HLCS: variants seen among roughly 807,000 people sequenced by gnomAD.
HLCS encodes holocarboxylase synthetase.
HLCS carries 53 observed loss-of-function variants against 75.0 expected under a neutral mutation model. That is an observed-to-expected ratio of 0.71 (90% confidence interval 0.57 to 0.89). HLCS has a LOEUF of 0.89. Ranked by LOEUF, HLCS falls within the 40% of genes least tolerant of loss-of-function variation. HLCS has a pLI of 0.00. For missense variants in HLCS, 966 were observed against 1,074.0 expected (o/e 0.90, Z 1.41); for synonymous variants, 431 against 428.6 (o/e 1.01, Z -0.07).
intron 1 of HLCS, among the ~76,000 whole-genome samples, chr21:36,972,940 A>C (rs953525556): frequency 1.3e-5 from 2 of 152,196 alleles, no homozygotes; most frequent in Non-Finnish European, 2.9e-5. Context: ...TTGGGGGCAG[A>C]CACAGTGGCT....
intron 6 of HLCS, among the ~76,000 whole-genome samples, chr21:36,832,931 A>G (rs2062263871): frequency 6.6e-6 from 1 of 152,166 alleles, no homozygotes; most frequent in Non-Finnish European, 1.5e-5. Flanking sequence ...CACTGCTTAG[A>G]CAACTAAGGA....
chr21:36,921,273 C>T (rs895300591), intron 5 of HLCS, among the ~76,000 whole-genome samples: 1 of 152,182 alleles, frequency 6.6e-6, no homozygotes, highest in Admixed American at 6.5e-5. Context: ...GGTGAAACCC[C>T]GTCTCTACTA....
chr21:36,817,270 T>TAA (rs1350320619), intron 6 of HLCS, among the ~76,000 whole-genome samples: 10 of 152,252 alleles, frequency 6.6e-5, no homozygotes, highest in African/African-American at 2.4e-4. Context: ...TGTAACCATT[T>TAA]ACGTCTTTGC....
In HLCS at chr21:36,905,720, A is replaced by C. The variant is rs1401401387; in HGVS notation, c.1621-8589T>G. On this transcript the variant is annotated intron_variant, in intron 5 of 10. Transcript: ENST00000674895. Reference sequence around the variant, plus strand: ...AATCTTAAAAAAAAAAATAGAACTAATAAGTGAGTTTAGCAAGGTTGTGGG... The same window carrying C: ...AATCTTAAAAAAAAAAATAGAACTACTAAGTGAGTTTAGCAAGGTTGTGGG... 1.1e-4 allele frequency among the ~76,000 whole-genome samples: 16 copies of C among 152,268 alleles called. No homozygotes were observed. The East Asian group carries it at 3.1e-3, about 29-fold the overall frequency.
chr21:36,862,628 T>A (rs954901424), intron 6 of HLCS, among the ~76,000 whole-genome samples: 1 of 152,242 alleles, frequency 6.6e-6, no homozygotes, highest in Non-Finnish European at 1.5e-5. Flanking sequence ...TTTCACATTT[T>A]GACCTACAAG....
intron 1 of HLCS, among the ~76,000 whole-genome samples, chr21:36,982,678 A>G (rs2069146240): frequency 6.6e-6 from 1 of 152,168 alleles, no homozygotes; most frequent in African/African-American, 2.4e-5. Context: ...AAATTTACGC[A>G]TTGTAGCTGG....
At chr21:36,888,440 AAAAAAATAT>A (rs1477091416) in intron 6 of HLCS, among the ~76,000 whole-genome samples, 11 of 30,534 alleles carry the variant, frequency 3.6e-4, no homozygotes, top group South Asian at 1.5e-3. Context: ...TTTAAAAAAA[AAAAAAATAT>A]ATATATATAT....
intron 6 of HLCS, among the ~76,000 whole-genome samples, chr21:36,770,808 T>G (rs559779471): frequency 1.3e-5 from 2 of 152,266 alleles, no homozygotes; most frequent in South Asian, 4.1e-4. Context: ...GATTTAAAAT[T>G]TATTTTGAAT....
chr21:36,811,070 T>C (rs1439851033), intron 6 of HLCS, among the ~76,000 whole-genome samples: 1 of 145,160 alleles, frequency 6.9e-6, no homozygotes, highest in African/African-American at 2.5e-5. Context: ...GTATTTGTCA[T>C]GTACAACACG....
intron 6 of HLCS, among the ~76,000 whole-genome samples, chr21:36,807,194 C>A (rs532700344): frequency 6.6e-6 from 1 of 152,202 alleles, no homozygotes; most frequent in South Asian, 2.1e-4. Flanking sequence ...GAGAGGCTTA[C>A]GCAAGAGCAT....
chr21:36,985,765 TG>T (rs143500777), intron 1 of HLCS, among the ~76,000 whole-genome samples: 23,804 of 149,548 alleles, frequency 0.16, 1,982 homozygotes, highest in South Asian at 0.26. Flanking sequence ...GACTTGGTCT[TG>T]GGGAAAAAAA....
intron 5 of HLCS, among the ~76,000 whole-genome samples, chr21:36,921,898 T>C (rs528902043): frequency 1.3e-5 from 2 of 152,332 alleles, no homozygotes; most frequent in South Asian, 2.1e-4. Flanking sequence ...TCTCTCACTC[T>C]CTGGGAGAAA....
chr21:36,878,777 G>C (rs764331631), intron 6 of HLCS, among the ~76,000 whole-genome samples: 2 of 152,194 alleles, frequency 1.3e-5, no homozygotes, highest in Non-Finnish European at 2.9e-5. Context: ...TAGTATACAA[G>C]TAGATATTGG....
intron 6 of HLCS, among the ~76,000 whole-genome samples, chr21:36,804,729 A>T (rs2061314286): frequency 6.6e-6 from 1 of 152,156 alleles, no homozygotes; most frequent in African/African-American, 2.4e-5. Context: ...GCTTGTATTT[A>T]TTTGCTATTT....
intron 4 of HLCS, among the ~76,000 whole-genome samples, chr21:36,933,965 G>A (rs892137480): frequency 1.3e-5 from 2 of 152,168 alleles, no homozygotes; most frequent in African/African-American, 2.4e-5. Context: ...CTGAAACCCC[G>A]AGAACTGCTT....
At chr21:36,932,847 G>A (rs1053089077) in intron 4 of HLCS, among the ~76,000 whole-genome samples, 2 of 152,224 alleles carry the variant, frequency 1.3e-5, no homozygotes, top group African/African-American at 4.8e-5. Flanking sequence ...GCTGGGTGTG[G>A]TGGCTCACGC....
chr21:36,914,714 C>G (rs2065856801), intron 5 of HLCS, among the ~76,000 whole-genome samples: 1 of 152,200 alleles, frequency 6.6e-6, no homozygotes. Context: ...AAAGAGAAAG[C>G]CAGGGTTGGC....
In HLCS at chr21:36,766,943, C is replaced by T. The variant is rs143654373; in HGVS notation, c.1960+275G>A. Among the ~76,000 whole-genome samples the T allele has an allele frequency of 3.9e-3, 591 of 152,226 alleles. 2 individuals are homozygous for T. Among genetic ancestry groups the T allele is most frequent in the Non-Finnish European group, 6.3e-3 (428 of 68,006 alleles). On this transcript the variant is annotated intron_variant, in intron 7 of 10. Transcript: ENST00000674895. ...GTGACGATCCCCAAATTGGAAAGCCCGGAATTCATGTAGGTCACATTTGCC... is the reference window on the plus strand; with the variant it reads ...GTGACGATCCCCAAATTGGAAAGCCTGGAATTCATGTAGGTCACATTTGCC...
At chr21:36,777,023 T>C (rs914675042) in intron 6 of HLCS, among the ~76,000 whole-genome samples, 2 of 152,222 alleles carry the variant, frequency 1.3e-5, no homozygotes, top group African/African-American at 4.8e-5. Flanking sequence ...AACAGTTTCC[T>C]TATCATTCAC....
Sources: gnomAD v4.1 joint callset for allele counts (sites outside exome capture counted in the v4.1 genomes callset) on GRCh38, gnomAD v4.1.1 for gene constraint, MANE v1.5 for transcripts, NCBI Gene and HGNC (gene_info 2026-07-23, HGNC 2026-07-21) for gene names.